The following GNA12 variants were observed in gnomAD, a reference collection of about 807,000 sequenced individuals.
GNA12 encodes guanine nucleotide-binding protein subunit alpha-12.
In GNA12, 9 loss-of-function variants were observed where a neutral mutation model predicts 26.0. That is an observed-to-expected ratio of 0.35 (90% confidence interval 0.21 to 0.60). The LOEUF (loss-of-function observed/expected upper bound fraction) is 0.60. GNA12 is among the 20% of genes least tolerant of loss of function. The pLI is 0.78. For synonymous variants in GNA12, 264 were observed against 219.6 expected (o/e 1.20, Z -1.79); for missense variants, 405 against 525.8 (o/e 0.77, Z 2.25).
At chr7:2,769,590 G>A (rs557514064) in intron 2 of GNA12, among the ~76,000 whole-genome samples, 23 of 152,088 alleles carry the variant, frequency 1.5e-4, no homozygotes, top group Non-Finnish European at 2.6e-4. Context: ...AAAATTAGCC[G>A]GGCGTGGTGG....
intron 2 of GNA12, among the ~76,000 whole-genome samples, chr7:2,780,044 C>CTGTA (rs56889248): frequency 3.8e-5 from 3 of 79,644 alleles, no homozygotes; most frequent in African/African-American, 1.5e-4. Flanking sequence ...TTACACATTT[C>CTGTA]TGTGTACATA....
chr7:2,808,971 C>T (rs1793014479), intron 1 of GNA12, among the ~76,000 whole-genome samples: 2 of 152,214 alleles, frequency 1.3e-5, no homozygotes, highest in Non-Finnish European at 2.9e-5. Flanking sequence ...CCCGGATAGC[C>T]GCACGGCTCA....
intron 1 of GNA12, among the ~76,000 whole-genome samples, chr7:2,813,252 G>T: frequency 6.6e-6 from 1 of 152,186 alleles, no homozygotes. Flanking sequence ...GCTCTAAGAT[G>T]AAACAAAGTT....
At chr7:2,784,381 G>A (rs993812560) in intron 2 of GNA12, among the ~76,000 whole-genome samples, 4 of 152,200 alleles carry the variant, frequency 2.6e-5, no homozygotes, top group African/African-American at 9.6e-5. Context: ...ACCTACCAAA[G>A]GGCTGGGATT....
intron 1 of GNA12, chr7:2,815,170 A>C: frequency 1.9e-6 from 1 of 539,030 alleles, no homozygotes; most frequent in Non-Finnish European, 3.2e-6. Context: ...GGACAGGAAC[A>C]TCGGCGAGGT....
chr7:2,787,177 C>T (rs943504933), intron 2 of GNA12, among the ~76,000 whole-genome samples: 11 of 152,158 alleles, frequency 7.2e-5, no homozygotes, highest in African/African-American at 2.4e-4. Context: ...GAGCAATAGG[C>T]GAGGTGGCCT....
intron 2 of GNA12, among the ~76,000 whole-genome samples, chr7:2,761,385 G>C (rs1246055938): frequency 6.6e-6 from 1 of 152,222 alleles, no homozygotes; most frequent in Admixed American, 6.5e-5. Flanking sequence ...CCTGAAACCA[G>C]ACATCTGTGC....
intron 2 of GNA12, among the ~76,000 whole-genome samples, chr7:2,753,235 A>C (rs1033209510): frequency 6.6e-6 from 1 of 151,960 alleles, no homozygotes; most frequent in African/African-American, 2.4e-5. Flanking sequence ...GCTCACTGCA[A>C]ACTCTCCTCC....
Position 2,844,299 on chromosome 7 carries a change from T to G in GNA12, c.-138A>C. 1 of 274,084 alleles carries G rather than the reference T, an allele frequency of 3.6e-6. No homozygotes were observed. The highest frequency in any genetic ancestry group is 5.5e-6 in the Non-Finnish European group (1 of 180,842). 17.0% of individuals were successfully genotyped at this position (274,084 alleles called of 1,614,324 possible). ...GCCGCGTCCGCCGCCGCCGCTGCAG[T>G]CGCTCCGAGGCCCGCACTCGTCGCC... On this transcript the variant is annotated 5_prime_UTR_variant, in exon 1 of 4. Coordinates refer to ENST00000275364, the MANE Select transcript of GNA12 (RefSeq NM_007353.3).
At chr7:2,753,154 CTTTT>C (rs34424525) in intron 2 of GNA12, among the ~76,000 whole-genome samples, 19 of 147,260 alleles carry the variant, frequency 1.3e-4, no homozygotes, top group East Asian at 3.9e-4. Context: ...CAGCATGCGG[CTTTT>C]TTTTTTTAAA....
chr7:2,728,108 T>C lies in GNA12; in HGVS notation c.*3073A>G, dbSNP rs1033037514. The C allele has an allele frequency of 1.3e-5, 2 of 152,290 alleles. No homozygotes were observed. The highest frequency in any genetic ancestry group is 2.1e-4 in the South Asian group (1 of 4,832). The allele number at this position is 152,290 out of a possible 1,614,324, so 9.4% of individuals were successfully genotyped here. ...TTGGTTTTGAATACTGGCACTATTT[T>C]ATATTAAGCAAAGAAAGACTAAATT... On this transcript the variant is annotated 3_prime_UTR_variant, in exon 4 of 4. Coordinates refer to ENST00000275364, the MANE Select transcript of GNA12 (RefSeq NM_007353.3).
At chr7:2,740,497 A>G (rs1790445843) in intron 2 of GNA12, among the ~76,000 whole-genome samples, 1 of 152,092 alleles carries the variant, frequency 6.6e-6, no homozygotes. Context: ...CAGATCCTCA[A>G]TTTCCAATCT....
At chr7:2,802,306 A>G (rs1792830215) in intron 1 of GNA12, among the ~76,000 whole-genome samples, 1 of 147,330 alleles carries the variant, frequency 6.8e-6, no homozygotes, top group Non-Finnish European at 1.5e-5. Flanking sequence ...TTCAGACAGC[A>G]TATTTTTAAG....
intron 2 of GNA12, among the ~76,000 whole-genome samples, chr7:2,737,522 C>A (rs961003953): frequency 6.6e-6 from 1 of 152,082 alleles, no homozygotes; most frequent in East Asian, 1.9e-4. Flanking sequence ...CTCCTGACCT[C>A]AGGTAATCCA....
In GNA12 at chr7:2,728,154, G is replaced by A. The variant is rs1365167378; in HGVS notation, c.*3027C>T. 1 of 152,198 alleles carries A rather than the reference G, an allele frequency of 6.6e-6. No homozygotes were observed. The highest frequency in any genetic ancestry group is 1.5e-5 in the Non-Finnish European group (1 of 68,032). 9.4% of individuals were successfully genotyped at this position (152,198 alleles called of 1,614,324 possible). A position where few individuals can be genotyped will look rare whatever the true frequency, so the allele number is the denominator to read the frequency against. On this transcript the variant is annotated 3_prime_UTR_variant, in exon 4 of 4. Transcript: ENST00000275364. ...AAATTTATTTTAATAAACATTCAGA[G>A]GCTGAGGGTGGCCAAATTTTCAAGC... is the stretch of plus-strand genomic sequence containing the variant.
chr7:2,738,274 G>C (rs1323754609), intron 2 of GNA12, among the ~76,000 whole-genome samples: 1 of 144,842 alleles, frequency 6.9e-6, no homozygotes, highest in Non-Finnish European at 1.5e-5. Context: ...AACAGAGTGA[G>C]GCTCCATCTA....
At chr7:2,831,727 AC>A (rs966167128) in intron 1 of GNA12, among the ~76,000 whole-genome samples, 3 of 152,154 alleles carry the variant, frequency 2.0e-5, no homozygotes, top group African/African-American at 7.2e-5. Context: ...CTTAAAAAAA[AC>A]ACAAGTGGTC....
intron 2 of GNA12, among the ~76,000 whole-genome samples, chr7:2,749,803 G>C (rs1275571025): frequency 1.3e-5 from 2 of 152,112 alleles, no homozygotes; most frequent in South Asian, 4.2e-4. Context: ...CTGGGGATGA[G>C]AGAGGAAAGA....
intron 1 of GNA12, among the ~76,000 whole-genome samples, chr7:2,832,036 G>A (rs370459407): frequency 4.6e-5 from 7 of 152,194 alleles, no homozygotes; most frequent in African/African-American, 1.7e-4. Flanking sequence ...GTGACTGCCA[G>A]TATCTCACCT....
Sources: gnomAD v4.1 joint callset for allele counts (sites outside exome capture counted in the v4.1 genomes callset) on GRCh38, gnomAD v4.1.1 for gene constraint, MANE v1.5 for transcripts, NCBI Gene and HGNC (gene_info 2026-07-23, HGNC 2026-07-21) for gene names.